CYB5R3: variants seen among roughly 807,000 people sequenced by gnomAD.
CYB5R3 encodes the protein cytochrome b5 reductase 3.
Under a neutral mutation model 36.5 loss-of-function variants are expected in CYB5R3, and 28 were observed. The observed-to-expected ratio is 0.77, with a 90% confidence interval of 0.57 to 1.05. The LOEUF (loss-of-function observed/expected upper bound fraction) is 1.05, where lower values mean the gene tolerates loss of function less well. Ranked by LOEUF, CYB5R3 falls within the 50% of genes least tolerant of loss-of-function variation. The pLI is 0.00. For synonymous variants in CYB5R3, 181 were observed against 159.8 expected (o/e 1.13, Z -1.00); for missense variants, 474 against 408.9 (o/e 1.16, Z -1.37).
intron 2 of CYB5R3, 95 bp from the exon 3 acceptor site, chr22:42,631,545 G>A: frequency 9.2e-7 from 1 of 1,083,436 alleles, no homozygotes; most frequent in South Asian, 1.3e-5. Context: ...TTCCTCCTTT[G>A]TGTCCCCACC....
chr22:42,642,450 T>C (rs1260835920), intron 1 of CYB5R3, among the ~76,000 whole-genome samples: 2 of 151,996 alleles, frequency 1.3e-5, no homozygotes, highest in African/African-American at 4.8e-5. Flanking sequence ...AAATTATTAT[T>C]TTTTTTGAGA....
chr22:42,646,112 C>A (rs1395385851), intron 1 of CYB5R3, among the ~76,000 whole-genome samples: 1 of 152,202 alleles, frequency 6.6e-6, no homozygotes, highest in Non-Finnish European at 1.5e-5. Context: ...CACAGCACCA[C>A]CCCAACCCTC....
At chr22:42,644,456 T>C (rs1251208802) in intron 1 of CYB5R3, 13 of 833,714 alleles carry the variant, frequency 1.6e-5, no homozygotes, top group Non-Finnish European at 2.6e-5. Flanking sequence ...TGCTCTCCTC[T>C]CTGCCCCAAA....
At position 42,627,176 on chromosome 22, in the gene CYB5R3, G is replaced by A. The variant is rs1005042702; in HGVS notation, c.633+128C>T. 7.3e-6 allele frequency: 6 copies of A among 819,474 alleles called. No homozygotes were observed. In the Admixed American group the frequency reaches 8.0e-5, roughly 11 times the overall value. The allele number at this position is 819,474 out of a possible 1,614,324, so 50.8% of individuals were successfully genotyped here. The stretch of plus-strand genomic sequence containing the variant: ...GGCCGCCAGTGCACAGAACATTCAG[G>A]GCCCCCCATCCCGGTCATCCCCAGA... On this transcript the variant is annotated intron_variant, in intron 7 of 8. Coordinates refer to ENST00000352397, the MANE Select transcript of CYB5R3 (RefSeq NM_000398.7).
In CYB5R3 at chr22:42,629,769, C is replaced by T. The variant is rs142712871; in HGVS notation, c.333+1113G>A. On this transcript the variant is annotated intron_variant, in intron 4 of 8. Transcript: ENST00000352397. ...CACCCCACATACCCACTGGTCTAGGCTGCTTCTCACCCTCTGTTCTGCAGG... is the reference window on the plus strand; with the variant it reads ...CACCCCACATACCCACTGGTCTAGGTTGCTTCTCACCCTCTGTTCTGCAGG... Among the ~76,000 whole-genome samples the T allele has an allele frequency of 2.8e-3, 420 of 152,300 alleles. 2 individuals are homozygous for T. The highest frequency in any genetic ancestry group is 9.6e-3 in the African/African-American group (399 of 41,574).
chr22:42,621,612 G>A (rs916919361), intron 8 of CYB5R3, among the ~76,000 whole-genome samples: 6 of 152,228 alleles, frequency 3.9e-5, no homozygotes, highest in African/African-American at 7.2e-5. Context: ...AAATGTACAC[G>A]AAAAATGCTA....
intron 1 of CYB5R3, among the ~76,000 whole-genome samples, chr22:42,648,510 G>T (rs1201723439): frequency 6.6e-6 from 1 of 152,240 alleles, no homozygotes; most frequent in African/African-American, 2.4e-5. Context: ...AGTGACAGCA[G>T]CAGAGTGGAC....
intron 1 of CYB5R3, chr22:42,640,603 T>G (rs1929209471): frequency 6.4e-6 from 1 of 156,230 alleles, no homozygotes; most frequent in Non-Finnish European, 1.4e-5. Context: ...GGTCTTGAAC[T>G]CCTGACCTCA....
At position 42,649,317 on chromosome 22, in the gene CYB5R3, G is replaced by T; in HGVS notation, c.-2C>A. On this transcript the variant is annotated 5_prime_UTR_variant, in exon 1 of 9. Coordinates refer to ENST00000352397, the MANE Select transcript of CYB5R3 (RefSeq NM_000398.7). Reference sequence around the variant, plus strand: ...TACCGTGCTGAGCTGGGCCCCCATGGTGGCCCCGCGCCGCGCTCGCTCTGT... The same window carrying T: ...TACCGTGCTGAGCTGGGCCCCCATGTTGGCCCCGCGCCGCGCTCGCTCTGT... 9.8e-7 allele frequency: 1 copy of T among 1,019,254 alleles called. No individual in the cohort carries two copies. The highest frequency in any genetic ancestry group is 3.8e-5 in the South Asian group (1 of 26,532). The allele number at this position is 1,019,254 out of a possible 1,614,324, so 63.1% of individuals were successfully genotyped here.
At chr22:42,648,893 T>C (rs2146918218) in intron 1 of CYB5R3, among the ~76,000 whole-genome samples, 1 of 151,918 alleles carries the variant, frequency 6.6e-6, no homozygotes, top group East Asian at 1.9e-4. Flanking sequence ...ACACCCACGG[T>C]CACACTCACA....
chr22:42,630,824 G>T (rs891707869), intron 4 of CYB5R3, 58 bp downstream of exon 4: 244 of 1,426,602 alleles, frequency 1.7e-4, no homozygotes, highest in Non-Finnish European at 2.3e-4. Context: ...GTCCACATGG[G>T]CTGTTGCCAT....
At chr22:42,641,978 G>C (rs1213953703) in intron 1 of CYB5R3, among the ~76,000 whole-genome samples, 5 of 152,024 alleles carry the variant, frequency 3.3e-5, no homozygotes, top group Non-Finnish European at 7.4e-5. Flanking sequence ...ACCATTCAAG[G>C]GTCCACTGTA....
chr22:42,627,420 G>C, intron 6 of CYB5R3, 31 bp from the exon 7 acceptor site: 1 of 1,600,768 alleles, frequency 6.2e-7, no homozygotes, highest in Non-Finnish European at 8.6e-7. Context: ...CCTCGCACGT[G>C]CTGAGCGAGG....
At chr22:42,647,573 C>CCCTGTCTCTACTAAAAGTACAAAAAATAG (rs376525577) in intron 1 of CYB5R3, among the ~76,000 whole-genome samples, 95,955 of 151,502 alleles carry the variant, frequency 0.63, 30,643 homozygotes, top group East Asian at 0.87. Flanking sequence ...GATGGCGAAG[C>CCCTGTCTCTACTAAAAGTACAAAAAATAG]CCAGGTGTGA....
chr22:42,642,946 T>C (rs1929356939), intron 1 of CYB5R3, among the ~76,000 whole-genome samples: 1 of 152,198 alleles, frequency 6.6e-6, no homozygotes, highest in South Asian at 2.1e-4. Context: ...ACCCTACAAG[T>C]TCCCTTTTCA....
At chr22:42,641,459 A>C (rs1478233481) in intron 1 of CYB5R3, among the ~76,000 whole-genome samples, 2 of 152,056 alleles carry the variant, frequency 1.3e-5, no homozygotes, top group South Asian at 4.2e-4. Flanking sequence ...GGCGCACGCC[A>C]CCACACTTGG....
chr22:42,638,542 GAAAAA>G (rs1214704850), intron 1 of CYB5R3, among the ~76,000 whole-genome samples: 1 of 100,532 alleles, frequency 9.9e-6, no homozygotes, highest in Non-Finnish European at 2.1e-5. Flanking sequence ...TGTCTCTGTT[GAAAAA>G]AAAAAAAAAA....
intron 4 of CYB5R3, among the ~76,000 whole-genome samples, chr22:42,629,388 T>C (rs1235081524): frequency 6.6e-6 from 1 of 152,178 alleles, no homozygotes; most frequent in African/African-American, 2.4e-5. Context: ...GATCTCACCT[T>C]CACTGTCACC....
At chr22:42,624,558 T>C (rs1271642462) in intron 7 of CYB5R3, among the ~76,000 whole-genome samples, 1 of 143,410 alleles carries the variant, frequency 7.0e-6, no homozygotes, top group African/African-American at 2.6e-5. Flanking sequence ...CTCCAGGGGC[T>C]ATCAGGGATC....
Sources: allele counts gnomAD v4.1 joint callset (sites outside exome capture counted in the v4.1 genomes callset), GRCh38; gene constraint gnomAD v4.1.1; transcripts MANE v1.5; gene names NCBI Gene and HGNC (gene_info 2026-07-23, HGNC 2026-07-21).